ASB5: variants seen among roughly 807,000 people sequenced by gnomAD.
ASB5 encodes the protein ankyrin repeat and SOCS box protein 5.
A neutral mutation model predicts 42.1 loss-of-function variants in ASB5; 45 were observed. The ratio of observed to expected loss-of-function variants is 1.07; its 90% CI spans 0.84 to 1.37. The LOEUF (loss-of-function observed/expected upper bound fraction) is 1.37, where lower values mean the gene tolerates loss of function less well. ASB5 is among the 40% of genes most tolerant of loss of function. ASB5 has a pLI of 0.00. For synonymous variants in ASB5, 147 were observed against 150.6 expected (o/e 0.98, Z 0.18); for missense variants, 402 against 399.8 (o/e 1.01, Z -0.05).
chr4:176,230,547 C>T (rs1753513872), intron 1 of ASB5, among the ~76,000 whole-genome samples: 1 of 152,044 alleles, frequency 6.6e-6, no homozygotes, highest in Admixed American at 6.5e-5. Flanking sequence ...TTCTTGTAAT[C>T]CCTTAGAAGA....
chr4:176,242,692 G>A (rs1428136242), intron 1 of ASB5, among the ~76,000 whole-genome samples: 1 of 152,088 alleles, frequency 6.6e-6, no homozygotes, highest in African/African-American at 2.4e-5. Context: ...TGGCTTTGTT[G>A]ATTCTTCCTG....
At chr4:176,230,756 G>C (rs74460624) in intron 1 of ASB5, among the ~76,000 whole-genome samples, 61 of 152,210 alleles carry the variant, frequency 4.0e-4, no homozygotes, top group African/African-American at 1.4e-3. Context: ...TTATATCAGA[G>C]AGATTTACGA....
rs1177507006 is a variant in ASB5, at chr4:176,249,890, C to T, written c.196+19023G>A. Among the ~76,000 whole-genome samples, 13 of 150,298 alleles carry T rather than the reference C, an allele frequency of 8.6e-5. No individual in the cohort carries two copies. The East Asian group carries it at 1.9e-3, about 23-fold the overall frequency. Reference sequence around the variant, plus strand: ...ACCATCCTGGCTAACACAGTGAAACCCCGTCTCTACTAAAAACACAAAAAA... The same window carrying T: ...ACCATCCTGGCTAACACAGTGAAACTCCGTCTCTACTAAAAACACAAAAAA... On this transcript the variant is annotated intron_variant, in intron 1 of 6. Transcript: ENST00000296525.
intron 5 of ASB5, among the ~76,000 whole-genome samples, chr4:176,219,800 C>T (rs1753149804): frequency 6.6e-6 from 1 of 151,138 alleles, no homozygotes; most frequent in Non-Finnish European, 1.5e-5. Context: ...CTCCTGACCT[C>T]AAGTGATCCA....
At chr4:176,230,377 C>A (rs990949725) in intron 1 of ASB5, among the ~76,000 whole-genome samples, 38 of 152,048 alleles carry the variant, frequency 2.5e-4, no homozygotes, top group African/African-American at 8.7e-4. Flanking sequence ...TATATATAAG[C>A]CAGCAACCAA....
At chr4:176,219,455 A>G (rs1424226738) in intron 5 of ASB5, among the ~76,000 whole-genome samples, 1 of 70,362 alleles carries the variant, frequency 1.4e-5, no homozygotes, top group African/African-American at 5.0e-5. Flanking sequence ...TGTATGATAT[A>G]TAAATATATA....
At chr4:176,255,000 C>T (rs922172518) in intron 1 of ASB5, among the ~76,000 whole-genome samples, 1 of 152,054 alleles carries the variant, frequency 6.6e-6, no homozygotes, top group Non-Finnish European at 1.5e-5. Context: ...CATGGTGGCG[C>T]GTGCCTGTAA....
rs1479502669 is a variant in ASB5 at position 176,252,070 on chromosome 4, AAAAAAAAAAAAAAG to A, written c.196+16829_196+16842del. ...GACAGAGCAAGACCTTGTCTCAAAA[AAAAAAAAAAAAAAG>A]AAAAAAAAAAAAAGAAAAAGACACG... On this transcript the variant is annotated intron_variant, in intron 1 of 6. Transcript: ENST00000296525. Among the ~76,000 whole-genome samples, 82 of 70,066 alleles carry A rather than the reference AAAAAAAAAAAAAAG, an allele frequency of 1.2e-3. 1 individual carries two copies. The highest frequency in any genetic ancestry group is 2.6e-3 in the South Asian group (5 of 1,900). 46.0% of individuals were successfully genotyped at this position (70,066 alleles called of 152,430 possible).
chr4:176,247,442 C>A (rs1179632618), intron 1 of ASB5, among the ~76,000 whole-genome samples: 1 of 152,146 alleles, frequency 6.6e-6, no homozygotes, highest in Non-Finnish European at 1.5e-5. Flanking sequence ...AAGACCTATT[C>A]TAAAGCTACA....
intron 1 of ASB5, among the ~76,000 whole-genome samples, chr4:176,261,959 C>T: frequency 6.6e-6 from 1 of 150,816 alleles, no homozygotes; most frequent in Admixed American, 6.6e-5. Context: ...TTATTAAATA[C>T]TATATATATT....
intron 1 of ASB5, among the ~76,000 whole-genome samples, chr4:176,258,037 A>G (rs1579333176): frequency 6.6e-6 from 1 of 152,214 alleles, no homozygotes; most frequent in East Asian, 1.9e-4. Flanking sequence ...ATTTATTACA[A>G]TGTTAATGTT....
chr4:176,257,028 T>C (rs938186932), intron 1 of ASB5, among the ~76,000 whole-genome samples: 2 of 152,236 alleles, frequency 1.3e-5, no homozygotes, highest in Non-Finnish European at 2.9e-5. Context: ...CAGTTCTTTG[T>C]TGTGAATGTT....
At chr4:176,222,979 T>C (rs764503574) in intron 2 of ASB5, among the ~76,000 whole-genome samples, 2 of 152,044 alleles carry the variant, frequency 1.3e-5, no homozygotes, top group Non-Finnish European at 2.9e-5. Context: ...GGGGTTGCAC[T>C]GTGTTAGCCA....
intron 1 of ASB5, among the ~76,000 whole-genome samples, chr4:176,265,487 A>G (rs935766951): frequency 6.6e-6 from 1 of 152,216 alleles, no homozygotes; most frequent in African/African-American, 2.4e-5. Context: ...TGTATACCGT[A>G]TCCTCAGTGT....
intron 2 of ASB5, among the ~76,000 whole-genome samples, chr4:176,224,259 C>T (rs901415133): frequency 9.8e-6 from 1 of 101,772 alleles, no homozygotes; most frequent in Admixed American, 1.6e-4. Flanking sequence ...GAGAGGGAGT[C>T]TCACTTGCTC....
At chr4:176,259,166 G>T (rs943099441) in intron 1 of ASB5, among the ~76,000 whole-genome samples, 1 of 152,068 alleles carries the variant, frequency 6.6e-6, no homozygotes, top group African/African-American at 2.4e-5. Flanking sequence ...GAGTTACAAT[G>T]AAGTATTTAT....
chr4:176,260,910 C>T (rs1754256667), intron 1 of ASB5, among the ~76,000 whole-genome samples: 1 of 152,124 alleles, frequency 6.6e-6, no homozygotes, highest in African/African-American at 2.4e-5. Context: ...CTCCTGACCT[C>T]GTGATCCACC....
intron 1 of ASB5, among the ~76,000 whole-genome samples, chr4:176,264,959 T>C (rs1405767872): frequency 1.3e-5 from 2 of 152,050 alleles, no homozygotes. Context: ...CTAGTCTAGG[T>C]CCTCATCTCC....
intron 1 of ASB5, among the ~76,000 whole-genome samples, chr4:176,255,040 G>A (rs553019097): frequency 6.6e-6 from 1 of 152,204 alleles, no homozygotes; most frequent in African/African-American, 2.4e-5. Context: ...TGAGGCAGGA[G>A]AATCACTTGA....
Sources: allele counts gnomAD v4.1 joint callset (sites outside exome capture counted in the v4.1 genomes callset), GRCh38; gene constraint gnomAD v4.1.1; transcripts MANE v1.5; gene names NCBI Gene and HGNC (gene_info 2026-07-23, HGNC 2026-07-21).